Variants in SARDH observed in about 807,000 individuals in gnomAD.
SARDH encodes the protein sarcosine dehydrogenase, mitochondrial.
Under a neutral mutation model 109.1 loss-of-function variants are expected in SARDH, and 95 were observed. The ratio of observed to expected loss-of-function variants is 0.87; its 90% CI spans 0.74 to 1.03. The LOEUF (loss-of-function observed/expected upper bound fraction) is 1.03. SARDH is among the 50% of genes least tolerant of loss of function. The pLI, the probability that SARDH is intolerant of heterozygous loss-of-function variation, is 0.00. For synonymous variants in SARDH, 572 were observed against 534.8 expected (o/e 1.07, Z -0.96); for missense variants, 1,267 against 1,287.8 (o/e 0.98, Z 0.25).
chr9:133,731,824 A>G (rs558731321), intron 3 of SARDH, among the ~76,000 whole-genome samples: 1 of 152,352 alleles, frequency 6.6e-6, no homozygotes, highest in African/African-American at 2.4e-5. Flanking sequence ...TGCCTGGCAC[A>G]AAGTGTCTAT....
At chr9:133,736,214 C>T (rs1289462311) in intron 1 of SARDH, among the ~76,000 whole-genome samples, 2 of 152,246 alleles carry the variant, frequency 1.3e-5, no homozygotes, top group African/African-American at 2.4e-5. Context: ...GTTTCTCCAA[C>T]AATCATCAAT....
Position 133,704,963 on chromosome 9 carries a change from G to T in SARDH, c.1539C>A (p.Pro513=). 6.3e-7 allele frequency: 1 copy of T among 1,580,684 alleles called. No individual in the cohort carries two copies. Among genetic ancestry groups the T allele is most frequent in the East Asian group, 2.3e-5 (1 of 43,596 alleles). ...HGWERPGWFH[P]RGPAPVLEYD... is the part of the protein sequence containing the mutation. ...CACTACTCACCGGAGCTGGGCCTCGGGGATGAAACCATCCCGGTCGCTCCC... is the reference window on the plus strand; with the variant it reads ...CACTACTCACCGGAGCTGGGCCTCGTGGATGAAACCATCCCGGTCGCTCCC... The change falls in exon 12 of 21, where the codon CCC becomes CCA. Residue 513 remains proline, a synonymous_variant. Coordinates refer to ENST00000439388, the MANE Select transcript of SARDH (RefSeq NM_001134707.2). The surrounding 1 kb of genome is among the most constrained non-coding windows in gnomAD (Gnocchi z 4.5).
At chr9:133,735,549 C>G (rs76433882) in intron 1 of SARDH, among the ~76,000 whole-genome samples, 1 of 152,182 alleles carries the variant, frequency 6.6e-6, no homozygotes, top group Non-Finnish European at 1.5e-5. Flanking sequence ...ACGCAGCAAC[C>G]GTGGTGACTG....
chr9:133,733,597 C>T (rs1436139939), intron 2 of SARDH, among the ~76,000 whole-genome samples: 1 of 152,188 alleles, frequency 6.6e-6, no homozygotes, highest in Admixed American at 6.5e-5. Context: ...CCAGCTCTGG[C>T]CCCAGCTTCA....
chr9:133,712,791 GGACAGCACA>G lies in SARDH; in HGVS notation c.1238-91_1238-83del. 1 of 1,315,646 alleles carries G rather than the reference GGACAGCACA, an allele frequency of 7.6e-7. No individual in the cohort carries two copies. Among genetic ancestry groups the G allele is most frequent in the Non-Finnish European group, 1.1e-6 (1 of 934,982 alleles). The allele number at this position is 1,315,646 out of a possible 1,614,324, so 81.5% of individuals were successfully genotyped here. A position where few individuals can be genotyped will look rare whatever the true frequency, so the allele number is the denominator to read the frequency against. ...TCCAAACATGTGCCCCCATCTCCAC[GGACAGCACA>G]GACACTCCAAGCTCTGCTCTCACAC... On this transcript the variant is annotated intron_variant, in intron 9 of 20. Transcript: ENST00000439388. The surrounding 1 kb of genome is among the most constrained non-coding windows in gnomAD (Gnocchi z 4.1).
At position 133,685,412 on chromosome 9, in the gene SARDH, A is replaced by T; in HGVS notation, c.2070-126T>A. Reference sequence around the variant, plus strand: ...CCTCATGAGACAGATGACAATAAACATGGATTAATAAAAATACACCAAGAC... The same window carrying T: ...CCTCATGAGACAGATGACAATAAACTTGGATTAATAAAAATACACCAAGAC... On this transcript the variant is annotated intron_variant, in intron 16 of 20. Coordinates refer to ENST00000439388, the MANE Select transcript of SARDH (RefSeq NM_001134707.2). 5 of 651,248 alleles carry T rather than the reference A, an allele frequency of 7.7e-6. No homozygotes were observed. The East Asian group carries it at 1.4e-4, about 18-fold the overall frequency. The allele number at this position is 651,248 out of a possible 1,614,324, so 40.3% of individuals were successfully genotyped here. A position where few individuals can be genotyped will look rare whatever the true frequency, so the allele number is the denominator to read the frequency against.
chr9:133,732,664 G>A (rs1564301743), intron 2 of SARDH, 63 bp from the exon 3 acceptor site: 3 of 1,503,100 alleles, frequency 2.0e-6, no homozygotes, highest in African/African-American at 1.4e-5. Context: ...TCCCCCAGAC[G>A]AATATCAGGG....
Position 133,715,543 on chromosome 9 carries a change from G to A in SARDH, c.1150+1783C>T, listed in dbSNP as rs1250646452. On this transcript the variant is annotated intron_variant, in intron 8 of 20. Coordinates refer to ENST00000439388, the MANE Select transcript of SARDH (RefSeq NM_001134707.2). ...CACTCCAAAGGCTCCCATAGGAGTC[G>A]AATTCATTCAAGTAGCCCCTGCTGA... Among the ~76,000 whole-genome samples the A allele has an allele frequency of 5.3e-5, 8 of 152,132 alleles. No individual in the cohort carries two copies. The East Asian group carries it at 7.7e-4, about 15-fold the overall frequency.
rs773729334 is a variant in SARDH at position 133,690,422 on chromosome 9, C to G, written c.2027G>C (p.Ser676Thr). The G allele has an allele frequency of 6.2e-7, 1 of 1,613,308 alleles. No homozygotes were observed. The highest frequency in any genetic ancestry group is 2.2e-5 in the East Asian group (1 of 44,868). Reference sequence around the variant, plus strand: ...ACTGATCATACCCAGGTCCTCGGAGCTGTCGATGAGCTGGCACTGGGACTT... The same window carrying G: ...ACTGATCATACCCAGGTCCTCGGAGGTGTCGATGAGCTGGCACTGGGACTT... ...DQKSQCQLID[S>T]SEDLGMISIQ... Residue 676 changes from serine to threonine, a missense_variant, in exon 16 of 21, where the codon AGC (serine) becomes ACC (threonine). By Grantham distance (58) the Ser-to-Thr change is moderately conservative (BLOSUM62 1). Coordinates refer to ENST00000439388, the MANE Select transcript of SARDH (RefSeq NM_001134707.2).
intron 17 of SARDH, among the ~76,000 whole-genome samples, chr9:133,684,416 C>T (rs915361241): frequency 3.3e-5 from 5 of 152,256 alleles, no homozygotes; most frequent in South Asian, 2.1e-4. Context: ...GTCTGGCACA[C>T]AGGAAGCCCT....
chr9:133,726,529 C>T (rs963147560), intron 6 of SARDH, among the ~76,000 whole-genome samples: 1 of 152,048 alleles, frequency 6.6e-6, no homozygotes, highest in Non-Finnish European at 1.5e-5. Context: ...GATGTTTGTC[C>T]CAGCAGGATC....
intron 20 of SARDH, among the ~76,000 whole-genome samples, chr9:133,665,959 G>A (rs371055339): frequency 2.9e-4 from 44 of 152,320 alleles, no homozygotes; most frequent in South Asian, 2.5e-3. Flanking sequence ...CCTCCTCACC[G>A]GCACCTCTAC....
At chr9:133,690,623 A>G in intron 15 of SARDH, 96 bp from the exon 16 acceptor site, 1 of 1,417,770 alleles carries the variant, frequency 7.1e-7, no homozygotes. Context: ...GAGAAAACAA[A>G]TGCCCTCTCA....
At chr9:133,690,918 A>G (rs906794522) in intron 15 of SARDH, among the ~76,000 whole-genome samples, 1 of 152,084 alleles carries the variant, frequency 6.6e-6, no homozygotes, top group Non-Finnish European at 1.5e-5. Context: ...CATCTGTAAA[A>G]GGGGCAGACC....
chr9:133,668,275 GTCCCTCTCCC>G (rs201431408), intron 19 of SARDH, among the ~76,000 whole-genome samples: 46,914 of 107,006 alleles, frequency 0.44, 11,747 homozygotes, highest in East Asian at 0.85. Flanking sequence ...TCCACTCACC[GTCCCTCTCCC>G]TCCCTCTCCC....
At chr9:133,737,302 G>A (rs780215656) in intron 1 of SARDH, among the ~76,000 whole-genome samples, 9 of 152,208 alleles carry the variant, frequency 5.9e-5, no homozygotes, top group Non-Finnish European at 8.8e-5. Flanking sequence ...TGATTGCAGC[G>A]GCGTAGGGGA....
At chr9:133,736,902 T>C (rs1189959203) in intron 1 of SARDH, among the ~76,000 whole-genome samples, 2 of 152,164 alleles carry the variant, frequency 1.3e-5, no homozygotes, top group Non-Finnish European at 2.9e-5. Flanking sequence ...TCTAAGAAAG[T>C]CAGCATCCTT....
intron 12 of SARDH, chr9:133,703,851 C>G (rs967086405): frequency 6.6e-6 from 1 of 152,318 alleles, no homozygotes; most frequent in Non-Finnish European, 1.5e-5. Flanking sequence ...TGGAGTACCC[C>G]CCTCCCCAGC....
chr9:133,681,689 A>T (rs922600231), intron 17 of SARDH, among the ~76,000 whole-genome samples: 1 of 152,226 alleles, frequency 6.6e-6, no homozygotes, highest in Non-Finnish European at 1.5e-5. Context: ...CGGATCGTTA[A>T]GTTTAGTAAA....
Sources: allele counts gnomAD v4.1 joint callset (sites outside exome capture counted in the v4.1 genomes callset), GRCh38; gene constraint gnomAD v4.1.1; non-coding constraint Gnocchi (gnomAD v3.1); transcripts MANE v1.5; gene names NCBI Gene and HGNC (gene_info 2026-07-23, HGNC 2026-07-21).